Variants in TAF1 observed in about 807,000 individuals in gnomAD.
TAF1 encodes transcription initiation factor TFIID subunit 1.
TAF1 carries 2 observed loss-of-function variants against 138.5 expected under a neutral mutation model. That is an observed-to-expected ratio of 0.01 (90% CI 0.01 to 0.05). The LOEUF (loss-of-function observed/expected upper bound fraction) is 0.05, where lower values mean the gene tolerates loss of function less well. TAF1 is among the 10% of genes least tolerant of loss of function. The probability of loss-of-function intolerance (pLI) is 1.00; values close to 1 mark genes in which losing one functional copy is unlikely to be tolerated. For synonymous variants in TAF1, 437 were observed against 503.2 expected, an observed-to-expected ratio of 0.87 and a Z score of 1.76; for missense variants, 709 against 1,478.0, an observed-to-expected ratio of 0.48 and a Z score of 8.53.
chrX:71,508,497 C>G (rs192859170), intron 13 of TAF1, among the ~76,000 whole-genome samples: 168 of 103,807 alleles, frequency 1.6e-3, no homozygotes, highest in African/African-American at 5.7e-3. Context: ...CCCAGCTACT[C>G]AGGAAGTTGA....
At chrX:71,478,634 T>C (rs1371757246) in intron 13 of TAF1, among the ~76,000 whole-genome samples, 8 of 111,657 alleles carry the variant, frequency 7.2e-5, no homozygotes, top group Non-Finnish European at 1.3e-4. Context: ...ATGGGAGGAT[T>C]GCTTGAGTCC....
chrX:71,424,273 C>G (rs755867205), intron 32 of TAF1, 35 bp downstream of exon 32: 1 of 1,121,397 alleles, frequency 8.9e-7, no homozygotes, highest in South Asian at 2.0e-5. Context: ...TCCATGAATC[C>G]GTCCATCTTC....
At chrX:71,420,947 G>T (rs1365339228) in intron 28 of TAF1, among the ~76,000 whole-genome samples, 1 of 112,769 alleles carries the variant, frequency 8.9e-6, no homozygotes, top group Non-Finnish European at 1.9e-5. Context: ...TGACCCGGAG[G>T]CCTGACCGCC....
rs747397103 is a variant in TAF1 at position 71,378,874 on chromosome X, A to G, written c.1203A>G (p.Glu401=). The G allele has an allele frequency of 5.8e-6, 7 of 1,211,499 alleles. No individual in the cohort carries two copies. In the Admixed American group the frequency reaches 1.5e-4, roughly 26 times the overall value. Residue 401 remains glutamate, a synonymous_variant, in exon 8 of 38, where the codon GAA becomes GAG. Transcript: ENST00000423759. The stretch of plus-strand genomic sequence containing the variant: ...ATGGCACTGATCTTCTGGCTGATGA[A>G]AACTTCCTGATGGTGACACAGCTGC... The part of the protein sequence containing the change: ...ENNGTDLLAD[E]NFLMVTQLHW...
intron 3 of TAF1, among the ~76,000 whole-genome samples, chrX:71,373,166 A>G (rs866099991): frequency 1.1e-5 from 1 of 87,783 alleles, no homozygotes; most frequent in Non-Finnish European, 2.2e-5. Flanking sequence ...GTGCCTGGCC[A>G]CTTTTTTTTT....
At chrX:71,487,903 C>T (rs2039202247) in intron 13 of TAF1, among the ~76,000 whole-genome samples, 1 of 111,773 alleles carries the variant, frequency 8.9e-6, no homozygotes, top group Non-Finnish European at 1.9e-5. Flanking sequence ...AAAAATTTTA[C>T]CTTGTTAGGT....
chrX:71,401,807 C>G, intron 25 of TAF1, 68 bp downstream of exon 25: 1 of 1,037,132 alleles, frequency 9.6e-7, no homozygotes, highest in African/African-American at 1.8e-5. Context: ...TGGTGGCTGG[C>G]AGGGGTAGAT....
chrX:71,405,994 T>C (rs1357974607), intron 25 of TAF1, among the ~76,000 whole-genome samples: 2 of 111,559 alleles, frequency 1.8e-5, no homozygotes, highest in African/African-American at 3.3e-5. Flanking sequence ...CAGTTTTTAA[T>C]TTCTTGTTTC....
chrX:71,458,534 C>T (rs1049110829), intron 35 of TAF1, among the ~76,000 whole-genome samples, 168 bp downstream of exon 35: 2 of 111,232 alleles, frequency 1.8e-5, no homozygotes, highest in African/African-American at 3.3e-5. Context: ...GGCAGCAGGT[C>T]GTGTGACTGG....
At chrX:71,412,971 G>A (rs140629096) in intron 28 of TAF1, among the ~76,000 whole-genome samples, 1,143 of 111,594 alleles carry the variant, frequency 0.01, 13 homozygotes, top group Middle Eastern at 0.037. Context: ...TATAAAGATC[G>A]AGCATCCCAA....
At position 71,441,125 on chromosome X, in the gene TAF1, T is replaced by C. The variant is rs560688293; in HGVS notation, c.4754-13045T>C. On this transcript the variant is annotated intron_variant, in intron 32 of 37. Transcript: ENST00000423759. ...GATGTTGGCCAGGTTGGTCTCGAAC[T>C]CCTGGCTTCAAGTGATCCTCCCACC... Among the ~76,000 whole-genome samples the C allele has an allele frequency of 8.1e-5, 9 of 110,941 alleles. No homozygotes were observed. In the South Asian group the frequency reaches 3.4e-3, roughly 42 times the overall value.
intron 29 of TAF1, among the ~76,000 whole-genome samples, chrX:71,421,654 G>C (rs1259441393): frequency 8.9e-6 from 1 of 111,755 alleles, no homozygotes. Flanking sequence ...CATTAGAAAG[G>C]GCAAAGGAAA....
In TAF1 at chrX:71,376,523, C is replaced by T. The variant is rs1237437811; in HGVS notation, c.473-427C>T. 6.4e-5 allele frequency among the ~76,000 whole-genome samples: 7 copies of T among 109,759 alleles called. No individual in the cohort carries two copies. The Admixed American group carries it at 6.9e-4, about 11-fold the overall frequency. On this transcript the variant is annotated intron_variant, in intron 4 of 37. Transcript: ENST00000423759. ...TCTACTAAAAATGCAAAAATTTAGC[C>T]AGCTGTCGTGGCGCATGACTGTAAT...
intron 13 of TAF1, among the ~76,000 whole-genome samples, chrX:71,480,379 C>T (rs1441070821): frequency 9.0e-6 from 1 of 111,458 alleles, no homozygotes; most frequent in Non-Finnish European, 1.9e-5. Context: ...TGGATCCTGT[C>T]TCTTAAAAAA....
intron 37 of TAF1, 108 bp downstream of exon 37, chrX:71,460,911 T>C (rs1360451373): frequency 9.4e-7 from 1 of 1,060,112 alleles, no homozygotes; most frequent in Non-Finnish European, 1.3e-6. Flanking sequence ...CCTGGGCACC[T>C]ACTAGGGCCA....
chrX:71,475,836 G>A (rs1398519076), intron 13 of TAF1, among the ~76,000 whole-genome samples: 1 of 110,849 alleles, frequency 9.0e-6, no homozygotes, highest in Non-Finnish European at 1.9e-5. Flanking sequence ...GAGGTGTTTG[G>A]GTCATGGGGG....
intron 37 of TAF1, 52 bp from the exon 38 acceptor site, chrX:71,463,772 T>C (rs2038649289): frequency 3.5e-6 from 4 of 1,138,838 alleles, no homozygotes; most frequent in Non-Finnish European, 2.4e-6. Context: ...ATGGGAATGG[T>C]CAGGTAGAGG....
chrX:71,421,223 A>C (rs2036327407), intron 28 of TAF1, 86 bp from the exon 29 acceptor site: 1 of 849,424 alleles, frequency 1.2e-6, no homozygotes. Context: ...TTAGGTTCTT[A>C]AGTAAGTGCA....
At chrX:71,413,653 C>T (rs912314862) in intron 28 of TAF1, among the ~76,000 whole-genome samples, 2 of 111,381 alleles carry the variant, frequency 1.8e-5, no homozygotes, top group East Asian at 5.6e-4. Context: ...CTTCAGGGCT[C>T]CATACCTGTG....
Sources: allele counts gnomAD v4.1 joint callset (sites outside exome capture counted in the v4.1 genomes callset), GRCh38; gene constraint gnomAD v4.1.1; transcripts MANE v1.5; gene names NCBI Gene and HGNC (gene_info 2026-07-23, HGNC 2026-07-21).